The following IL15RA variants were observed in gnomAD, a reference collection of about 807,000 sequenced individuals.
IL15RA encodes interleukin 15 receptor subunit alpha.
IL15RA carries 26 observed loss-of-function variants against 24.2 expected under a neutral mutation model. That is an observed-to-expected ratio of 1.07 (90% CI 0.79 to 1.49). The LOEUF is 1.49. Among genes scored for constraint, IL15RA ranks in the 40% most tolerant of loss-of-function variants. The pLI is 0.00. For synonymous variants in IL15RA, 166 were observed against 157.6 expected (o/e 1.05, Z -0.40); for missense variants, 354 against 356.4 (o/e 0.99, Z 0.05).
chr10:5,960,395 G>T lies in IL15RA; in HGVS notation c.555C>A (p.Leu185=), dbSNP rs1835300958. ...GCGGCTGGTGGGAGGCGGATGCTGTGAGTTCCCAGTTCTTGGCTGTTGTCT... is the reference window on the plus strand; with the variant it reads ...GCGGCTGGTGGGAGGCGGATGCTGTTAGTTCCCAGTTCTTGGCTGTTGTCT... ...PSQTTAKNWE[L]TASASHQPPG... is the part of the protein sequence containing the mutation. Residue 185 remains leucine (L), a synonymous_variant, in exon 4 of 7, where the codon CTC becomes CTA. Transcript: ENST00000379977. This position sits in a 1 kb window ranked among gnomAD's most constrained non-coding sequence, Gnocchi z 5.1. 6.2e-7 allele frequency: 1 copy of T among 1,614,126 alleles called. No individual in the cohort carries two copies.
In IL15RA at chr10:5,959,176, T is replaced by TTTTTC. The variant is rs1835074531; in HGVS notation, c.616+577_616+578insGAAAA. Among the ~76,000 whole-genome samples the TTTTTC allele has an allele frequency of 6.6e-6, 1 of 150,574 alleles. No homozygotes were observed. The highest frequency in any genetic ancestry group is 2.4e-5 in the African/African-American group (1 of 41,100). ...TTTTTTTCTTTTTCTTTTTCTTTTT[T>TTTTTC]TTTTTTTTTAATAGAGATGGGGTCT... On this transcript the variant is annotated intron_variant, in intron 5 of 6. Coordinates refer to ENST00000379977, the MANE Select transcript of IL15RA (RefSeq NM_002189.4). This position sits in a 1 kb window ranked among gnomAD's most constrained non-coding sequence, Gnocchi z 4.1.
downstream of IL15RA, among the ~76,000 whole-genome samples, chr10:5,949,533 C>CA: frequency 6.6e-6 from 1 of 152,060 alleles, no homozygotes; most frequent in South Asian, 2.1e-4. The surrounding 1 kb of genome is among the most constrained non-coding windows in gnomAD (Gnocchi z 4.4). Flanking sequence ...TCGGGGAGTC[C>CA]GCTCTGTGCT....
chr10:5,962,203 C>A lies in IL15RA; in HGVS notation c.382+1540G>T, dbSNP rs1778248468. Reference sequence around the variant, plus strand: ...AGTTTAAATGGAGCCAGCCCCTCAACCCCTTCCTCCCTGTGCAGGTGACTC... The same window carrying A: ...AGTTTAAATGGAGCCAGCCCCTCAAACCCTTCCTCCCTGTGCAGGTGACTC... On this transcript the variant is annotated intron_variant, in intron 3 of 6. Coordinates refer to ENST00000379977, the MANE Select transcript of IL15RA (RefSeq NM_002189.4). The surrounding 1 kb of genome is among the most constrained non-coding windows in gnomAD (Gnocchi z 5.2). 6.6e-6 allele frequency among the ~76,000 whole-genome samples: 1 copy of A among 152,184 alleles called. No individual in the cohort carries two copies. The highest frequency in any genetic ancestry group is 6.5e-5 in the Admixed American group (1 of 15,290).
At chr10:5,952,059 GA>G (rs1291510962), downstream of IL15RA, among the ~76,000 whole-genome samples, 1 of 152,170 alleles carries the variant, frequency 6.6e-6, no homozygotes, top group Non-Finnish European at 1.5e-5. Context: ...ATAAAATGAG[GA>G]GGTGGGGTTA....
In IL15RA at chr10:5,959,818, G is replaced by C; in HGVS notation, c.584-32C>G. The C allele has an allele frequency of 6.2e-7, 1 of 1,610,978 alleles. No homozygotes were observed. The highest frequency in any genetic ancestry group is 8.5e-7 in the Non-Finnish European group (1 of 1,177,608). On this transcript the variant is annotated intron_variant, in intron 4 of 6. Transcript: ENST00000379977. The surrounding 1 kb of genome is among the most constrained non-coding windows in gnomAD (Gnocchi z 4.1). ...AAAAGAGAGGACAGCATCACGGCTC[G>C]AGTCCTAGAGGTCCTAGTTCCTCAT... is the stretch of plus-strand genomic sequence containing the variant.
chr10:5,966,409 G>C lies in IL15RA; in HGVS notation c.89-70C>G. On this transcript the variant is annotated intron_variant, in intron 1 of 6. Transcript: ENST00000379977. This position sits in a 1 kb window ranked among gnomAD's most constrained non-coding sequence, Gnocchi z 6.4. ...TGTAAGAGGCGTTCTCCAGGCACAC[G>C]CAGCGGTAGTCAGTGTCCAGCTTAT... 1 of 1,299,598 alleles carries C rather than the reference G, an allele frequency of 7.7e-7. No individual in the cohort carries two copies. The highest frequency in any genetic ancestry group is 1.1e-6 in the Non-Finnish European group (1 of 913,674). 80.5% of individuals were successfully genotyped at this position (1,299,598 alleles called of 1,614,324 possible).
In IL15RA at chr10:5,966,426, C is replaced by T. The variant is rs1391462067; in HGVS notation, c.89-87G>A. ...AGGCACACGCAGCGGTAGTCAGTGT[C>T]CAGCTTATCCTAGGGGTGCCTCAGG... On this transcript the variant is annotated intron_variant, in intron 1 of 6. Coordinates refer to ENST00000379977, the MANE Select transcript of IL15RA (RefSeq NM_002189.4). This position sits in a 1 kb window ranked among gnomAD's most constrained non-coding sequence, Gnocchi z 6.4. 2.6e-5 allele frequency: 29 copies of T among 1,121,248 alleles called. No individual in the cohort carries two copies. The highest frequency in any genetic ancestry group is 3.8e-5 in the Non-Finnish European group (29 of 767,302). The allele number at this position is 1,121,248 out of a possible 1,614,324, so 69.5% of individuals were successfully genotyped here.
rs1367933509 is a variant in IL15RA, at chr10:5,959,438, G to C, written c.616+316C>G. On this transcript the variant is annotated intron_variant, in intron 5 of 6. Transcript: ENST00000379977. The surrounding 1 kb of genome is among the most constrained non-coding windows in gnomAD (Gnocchi z 4.1). ...GCTGGCATCAGCACCTGTAGTTTTG[G>C]ATGCTCCATGCAAAAGAGGTGCACC... is the stretch of plus-strand genomic sequence containing the variant. Among the ~76,000 whole-genome samples the C allele has an allele frequency of 6.6e-6, 1 of 152,188 alleles. No individual in the cohort carries two copies. The highest frequency in any genetic ancestry group is 6.5e-5 in the Admixed American group (1 of 15,278).
At position 5,962,423 on chromosome 10, in the gene IL15RA, C is replaced by G. The variant is rs1835741107; in HGVS notation, c.382+1320G>C. On this transcript the variant is annotated intron_variant, in intron 3 of 6. Transcript: ENST00000379977. This position sits in a 1 kb window ranked among gnomAD's most constrained non-coding sequence, Gnocchi z 5.2. The stretch of plus-strand genomic sequence containing the variant: ...ACTGACCAACATGGTGAAACCCTGT[C>G]TCTACTAAAAATACAGAAATTAGCC... Among the ~76,000 whole-genome samples the G allele has an allele frequency of 6.6e-6, 1 of 152,020 alleles. No individual in the cohort carries two copies. Among genetic ancestry groups the G allele is most frequent in the Non-Finnish European group, 1.5e-5 (1 of 68,004 alleles).
At chr10:5,972,604 T>A (rs1003796128) in intron 1 of IL15RA, among the ~76,000 whole-genome samples, 1 of 152,220 alleles carries the variant, frequency 6.6e-6, no homozygotes, top group African/African-American at 2.4e-5. Flanking sequence ...ACAATTCAAA[T>A]TATGGCAGAA....
At chr10:5,957,596 T>C (rs764181014) in intron 5 of IL15RA, among the ~76,000 whole-genome samples, 170 of 149,676 alleles carry the variant, frequency 1.1e-3, no homozygotes, top group Non-Finnish European at 2.0e-3. Flanking sequence ...TCTTCTTCTT[T>C]TTTTTTTTTT....
downstream of IL15RA, chr10:5,949,074 G>A (rs1302674345): frequency 1.9e-5 from 7 of 365,880 alleles, no homozygotes; most frequent in South Asian, 1.0e-4. This position sits in a 1 kb window ranked among gnomAD's most constrained non-coding sequence, Gnocchi z 4.4. Flanking sequence ...ACTGGGCTTA[G>A]CATCTCCTCC....
In IL15RA at chr10:5,958,937, T is replaced by G. The variant is rs1024121956; in HGVS notation, c.616+817A>C. ...GCATTCTTCTCATTACCTGCGTTCTTCCTCCCTGCCTGCTTCCCTTCTTCC... is the reference window on the plus strand; with the variant it reads ...GCATTCTTCTCATTACCTGCGTTCTGCCTCCCTGCCTGCTTCCCTTCTTCC... On this transcript the variant is annotated intron_variant, in intron 5 of 6. Transcript: ENST00000379977. This position sits in a 1 kb window ranked among gnomAD's most constrained non-coding sequence, Gnocchi z 4.3. 1.7e-4 allele frequency among the ~76,000 whole-genome samples: 26 copies of G among 152,218 alleles called. No individual in the cohort carries two copies. The highest frequency in any genetic ancestry group is 6.3e-4 in the African/African-American group (26 of 41,534).
chr10:5,963,682 G>A lies in IL15RA; in HGVS notation c.382+61C>T, dbSNP rs554811321. ...AGGTCCGTGAGTCTGCAGGATTGGT[G>A]AGCGGGCCTCTGGGTGTTGGGAGGG... On this transcript the variant is annotated intron_variant, in intron 3 of 6. Transcript: ENST00000379977. This position sits in a 1 kb window ranked among gnomAD's most constrained non-coding sequence, Gnocchi z 5.3. 1.4e-5 allele frequency: 15 copies of A among 1,058,514 alleles called. No homozygotes were observed. In the Admixed American group the frequency reaches 1.7e-4, roughly 12 times the overall value. 65.6% of individuals were successfully genotyped at this position (1,058,514 alleles called of 1,614,324 possible).
chr10:5,957,141 A>G (rs1325623508), intron 5 of IL15RA, among the ~76,000 whole-genome samples: 3 of 150,158 alleles, frequency 2.0e-5, no homozygotes, highest in Admixed American at 1.3e-4. Context: ...TTGTATTTTC[A>G]GTAGAGACGG....
In IL15RA at chr10:5,967,450, G is replaced by T. The variant is rs985209100; in HGVS notation, c.89-1111C>A. ...GATCTCTTGACCTTGTGATCATCCCGCTTTGGCCTCCCAAAGTGTTGGGAT... is the reference window on the plus strand; with the variant it reads ...GATCTCTTGACCTTGTGATCATCCCTCTTTGGCCTCCCAAAGTGTTGGGAT... On this transcript the variant is annotated intron_variant, in intron 1 of 6. Coordinates refer to ENST00000379977, the MANE Select transcript of IL15RA (RefSeq NM_002189.4). The surrounding 1 kb of genome is among the most constrained non-coding windows in gnomAD (Gnocchi z 4.4). Among the ~76,000 whole-genome samples the T allele has an allele frequency of 6.6e-6, 1 of 152,096 alleles. No individual in the cohort carries two copies.
chr10:5,952,809 TA>T lies in IL15RA; in HGVS notation c.*285del. On this transcript the variant is annotated 3_prime_UTR_variant, in exon 7 of 7. Transcript: ENST00000379977. ...CATGTATTCCAGGCAGCTCACACTG[TA>T]ATGAAATAAAAATCCTGCTCAGAAG... The T allele has an allele frequency of 2.0e-6, 1 of 510,326 alleles. No homozygotes were observed. The highest frequency in any genetic ancestry group is 3.5e-6 in the Non-Finnish European group (1 of 289,094). The allele number at this position is 510,326 out of a possible 1,614,324, so 31.6% of individuals were successfully genotyped here. A position where few individuals can be genotyped will look rare whatever the true frequency, so the allele number is the denominator to read the frequency against.
chr10:5,973,166 A>T lies in IL15RA; in HGVS notation c.88+4239T>A, dbSNP rs931114448. Among the ~76,000 whole-genome samples, 2 of 152,238 alleles carry T rather than the reference A, an allele frequency of 1.3e-5. No individual in the cohort carries two copies. The highest frequency in any genetic ancestry group is 4.1e-4 in the South Asian group (2 of 4,834). ...CCCAACATAATGGACGCCCCTGCAC[A>T]TCAGGCCTTTTAAATAAGAACAGAC... is the stretch of plus-strand genomic sequence containing the variant. On this transcript the variant is annotated intron_variant, in intron 1 of 6. Coordinates refer to ENST00000379977, the MANE Select transcript of IL15RA (RefSeq NM_002189.4). The surrounding 1 kb of genome is among the most constrained non-coding windows in gnomAD (Gnocchi z 4.5).
Position 5,960,433 on chromosome 10 carries a change from C to A in IL15RA, c.517G>T (p.Gly173Cys). Residue 173 changes from glycine to cysteine, a missense_variant, in exon 4 of 7, where the codon GGC (glycine) becomes TGC (cysteine). Coordinates refer to ENST00000379977, the MANE Select transcript of IL15RA (RefSeq NM_002189.4). The surrounding 1 kb of genome is among the most constrained non-coding windows in gnomAD (Gnocchi z 5.1). Reference protein sequence around the residue: ...TEISSHESSHGTPSQTTAKNW... With the variant: ...TEISSHESSHCTPSQTTAKNW... Reference sequence around the variant, plus strand: ...TTGGCTGTTGTCTGAGAGGGGGTGCCGTGGGAGGACTCATGACTGCTTATC... The same window carrying A: ...TTGGCTGTTGTCTGAGAGGGGGTGCAGTGGGAGGACTCATGACTGCTTATC... 6.2e-7 allele frequency: 1 copy of A among 1,613,672 alleles called. No homozygotes were observed. Among genetic ancestry groups the A allele is most frequent in the Non-Finnish European group, 8.5e-7 (1 of 1,179,852 alleles).
Sources: allele counts gnomAD v4.1 joint callset (sites outside exome capture counted in the v4.1 genomes callset), GRCh38; gene constraint gnomAD v4.1.1; non-coding constraint Gnocchi (gnomAD v3.1); transcripts MANE v1.5; gene names NCBI Gene and HGNC (gene_info 2026-07-23, HGNC 2026-07-21).